The following NECAB2 variants were observed in gnomAD, a reference collection of about 807,000 sequenced individuals.
NECAB2 encodes the protein N-terminal EF-hand calcium binding protein 2.
In NECAB2, 68 loss-of-function variants were observed where a neutral mutation model predicts 51.9. That is an observed-to-expected ratio of 1.31 (90% CI 1.08 to 1.60). The LOEUF (loss-of-function observed/expected upper bound fraction) is 1.60, where lower values mean the gene tolerates loss of function less well. Ranked by LOEUF, NECAB2 falls within the 40% of genes most tolerant of loss-of-function variation. NECAB2 has a pLI of 0.00. For missense variants in NECAB2, 854 were observed against 490.3 expected (o/e 1.74, Z -7.00); for synonymous variants, 329 against 203.5 (o/e 1.62, Z -5.25).
At chr16:83,999,231 T>G (rs1179913018) in intron 10 of NECAB2, among the ~76,000 whole-genome samples, 1 of 151,690 alleles carries the variant, frequency 6.6e-6, no homozygotes, top group Admixed American at 6.6e-5. Flanking sequence ...AGACTCGGCG[T>G]GGCCACGAGG....
At chr16:83,968,159 A>G (rs2084308880), upstream of NECAB2, among the ~76,000 whole-genome samples, 1 of 151,106 alleles carries the variant, frequency 6.6e-6, no homozygotes, top group Non-Finnish European at 1.5e-5. Context: ...CGCGGGCGTG[A>G]CGGGGCCGCG....
chr16:83,969,586 C>T lies in NECAB2; in HGVS notation c.201+737C>T, dbSNP rs115063504. ...CTCACCCCTCACCCCTCCTAACTCC[C>T]CTGGGACCCAAATCACCCATCTCTG... On this transcript the variant is annotated intron_variant, in intron 1 of 12. Coordinates refer to ENST00000305202, the MANE Select transcript of NECAB2 (RefSeq NM_019065.3). Among the ~76,000 whole-genome samples the T allele has an allele frequency of 4.3e-3, 648 of 152,182 alleles. 8 individuals carry two copies. Among genetic ancestry groups the T allele is most frequent in the African/African-American group, 0.015 (617 of 41,510 alleles).
chr16:83,969,109 C>T lies in NECAB2; in HGVS notation c.201+260C>T, dbSNP rs377437283. On this transcript the variant is annotated intron_variant, in intron 1 of 12. Transcript: ENST00000305202. The stretch of plus-strand genomic sequence containing the variant: ...GCGCTTCTCGGAGTCCCTGCCTGCC[C>T]ACAGTGGGGAGCCGTGAGCCCCCGG... Among the ~76,000 whole-genome samples the T allele has an allele frequency of 1.4e-4, 21 of 151,810 alleles. No individual in the cohort carries two copies. In the South Asian group the frequency reaches 1.7e-3, roughly 12 times the overall value.
chr16:83,990,731 G>C lies in NECAB2; in HGVS notation c.596+101G>C, dbSNP rs113195124. On this transcript the variant is annotated intron_variant, in intron 6 of 12. Transcript: ENST00000305202. ...GGATGTCTGTGTACCTAAGAGCTGG[G>C]TGACCTTGGGCAAGTTGCCACAGCT... 1.5e-5 allele frequency: 23 copies of C among 1,488,948 alleles called. No individual in the cohort carries two copies. In the African/African-American group the frequency reaches 2.1e-4, roughly 14 times the overall value. 92.2% of individuals were successfully genotyped at this position (1,488,948 alleles called of 1,614,324 possible).
At chr16:83,977,159 A>C (rs2084421432) in intron 2 of NECAB2, among the ~76,000 whole-genome samples, 1 of 152,244 alleles carries the variant, frequency 6.6e-6, no homozygotes, top group Non-Finnish European at 1.5e-5. Flanking sequence ...CCAAGCACCC[A>C]GCTTTGAATG....
chr16:83,978,323 T>C, intron 2 of NECAB2, 121 bp from the exon 3 acceptor site: 1 of 720,868 alleles, frequency 1.4e-6, no homozygotes, highest in Non-Finnish European at 2.3e-6. Flanking sequence ...GTAGGGATTA[T>C]CTGAGCTGCA....
At chr16:83,996,620 C>T (rs1451665512) in intron 8 of NECAB2, among the ~76,000 whole-genome samples, 1 of 152,052 alleles carries the variant, frequency 6.6e-6, no homozygotes, top group Admixed American at 6.5e-5. Context: ...GGGTTCAGAC[C>T]CACGCTCTGA....
At chr16:83,990,681 C>T (rs72793619) in intron 6 of NECAB2, 51 bp downstream of exon 6, 117,327 of 1,595,912 alleles carry the variant, frequency 0.074, 7,024 homozygotes, top group African/African-American at 0.33. Flanking sequence ...CGTGCACGCG[C>T]ACGTGCCCAC....
Position 83,980,546 on chromosome 16 carries a change from C to T in NECAB2, c.336-293C>T, listed in dbSNP as rs1020134623. ...GTCCCCACTCTCTGTCCCTTTACCC[C>T]TTTCCTGGCCCCCAGCTTGGCCCTC... On this transcript the variant is annotated intron_variant, in intron 3 of 12. Transcript: ENST00000305202. 7.2e-5 allele frequency among the ~76,000 whole-genome samples: 11 copies of T among 152,268 alleles called. 1 individual carries two copies. In the South Asian group the frequency reaches 1.9e-3, roughly 26 times the overall value.
chr16:83,991,604 C>T (rs1391237350), intron 6 of NECAB2, among the ~76,000 whole-genome samples: 3 of 151,094 alleles, frequency 2.0e-5, no homozygotes, highest in Non-Finnish European at 4.4e-5. Flanking sequence ...ATCCACCCGC[C>T]TCAGCCTCCA....
At chr16:83,987,475 G>A (rs923807502) in intron 5 of NECAB2, among the ~76,000 whole-genome samples, 1 of 152,162 alleles carries the variant, frequency 6.6e-6, no homozygotes, top group African/African-American at 2.4e-5. Flanking sequence ...AGGGAGTAAA[G>A]TATAAAGAAA....
intron 6 of NECAB2, among the ~76,000 whole-genome samples, chr16:83,993,768 G>A (rs1362444189): frequency 6.6e-6 from 1 of 152,008 alleles, no homozygotes; most frequent in African/African-American, 2.4e-5. Context: ...CGGGAGATGG[G>A]GCCAGGCCCA....
Position 83,990,703 on chromosome 16 carries a change from T to G in NECAB2, c.596+73T>G, listed in dbSNP as rs2084612855. ...GCGCACGTGCCCACCTGCTGCTTGG[T>G]GGGGATGTCTGTGTACCTAAGAGCT... On this transcript the variant is annotated intron_variant, in intron 6 of 12. Transcript: ENST00000305202. 2.5e-6 allele frequency: 4 copies of G among 1,572,082 alleles called. No homozygotes were observed. In the Admixed American group the frequency reaches 5.2e-5, roughly 21 times the overall value.
chr16:83,999,759 C>T (rs922103115), intron 10 of NECAB2, among the ~76,000 whole-genome samples: 2 of 152,082 alleles, frequency 1.3e-5, no homozygotes, highest in Admixed American at 6.6e-5. Flanking sequence ...GGCCCAGCAC[C>T]CCCTCCCCTC....
chr16:83,968,509 CCCGCGGTGTCCGCGG>C lies in NECAB2; in HGVS notation c.-133_-119del, dbSNP rs928031973. ...GCCCGCCCCCCGGCGCCGGCCAGTC[CCCGCGGTGTCCGCGG>C]CCGCGGGGGCAGCGGGAGAGAGGGC... is the stretch of plus-strand genomic sequence containing the variant. On this transcript the variant is annotated 5_prime_UTR_variant, in exon 1 of 13. Transcript: ENST00000305202. 1 of 668,952 alleles carries C rather than the reference CCCGCGGTGTCCGCGG, an allele frequency of 1.5e-6. No individual in the cohort carries two copies. The highest frequency in any genetic ancestry group is 2.0e-5 in the African/African-American group (1 of 50,346). 41.4% of individuals were successfully genotyped at this position (668,952 alleles called of 1,614,324 possible).
chr16:83,994,035 T>C (rs2151097272), intron 6 of NECAB2, among the ~76,000 whole-genome samples: 1 of 152,202 alleles, frequency 6.6e-6, no homozygotes, highest in South Asian at 2.1e-4. Flanking sequence ...TGGAACTGAA[T>C]CTCTTGGGGA....
intron 5 of NECAB2, 74 bp from the exon 6 acceptor site, chr16:83,990,420 C>G: frequency 1.3e-6 from 2 of 1,561,944 alleles, no homozygotes; most frequent in Non-Finnish European, 8.7e-7. Flanking sequence ...TTTCCCCCAA[C>G]TCCTGTGCTA....
At chr16:83,965,511 A>T, upstream of NECAB2, 1 of 1,612,124 alleles carries the variant, frequency 6.2e-7, no homozygotes, top group Non-Finnish European at 8.5e-7. Flanking sequence ...CCGGTGATCC[A>T]TGCCTTCCGC....
chr16:83,965,756 C>T (rs1478408565), upstream of NECAB2: 1 of 1,613,432 alleles, frequency 6.2e-7, no homozygotes, highest in Admixed American at 1.7e-5. Context: ...GGTGCTGGTC[C>T]TCATCGGCTC....
Sources: allele counts gnomAD v4.1 joint callset (sites outside exome capture counted in the v4.1 genomes callset), GRCh38; gene constraint gnomAD v4.1.1; transcripts MANE v1.5; gene names NCBI Gene and HGNC (gene_info 2026-07-23, HGNC 2026-07-21).